DPP10: variants seen among roughly 807,000 people sequenced by gnomAD.
DPP10 encodes the protein dipeptidyl peptidase like 10, also known as inactive dipeptidyl peptidase 10.
DPP10 carries 33 observed loss-of-function variants against 120.9 expected under a neutral mutation model. The ratio of observed to expected loss-of-function variants is 0.27; its 90% CI spans 0.21 to 0.37. The LOEUF (loss-of-function observed/expected upper bound fraction) is 0.37, where lower values mean the gene tolerates loss of function less well. DPP10 is among the 10% of genes least tolerant of loss of function. The pLI is 1.00. For missense variants in DPP10, 816 were observed against 942.8 expected (o/e 0.87, Z 1.76); for synonymous variants, 337 against 326.1 (o/e 1.03, Z -0.36).
At position 115,555,162 on chromosome 2, in the gene DPP10, G is replaced by A. The variant is rs936000689; in HGVS notation, c.441+29190G>A. ...ATGGGGAAATTTATTTCCAATTTAA[G>A]AATCAAGAGCAAAAATTCATCTTCT... On this transcript the variant is annotated intron_variant, in intron 5 of 25. Transcript: ENST00000410059. 1.4e-4 allele frequency among the ~76,000 whole-genome samples: 21 copies of A among 151,986 alleles called. 1 individual carries two copies. Among genetic ancestry groups the A allele is most frequent in the Admixed American group, 1.1e-3 (17 of 15,222 alleles).
intron 3 of DPP10, among the ~76,000 whole-genome samples, chr2:115,396,009 G>C (rs766947717): frequency 7.2e-5 from 11 of 152,084 alleles, no homozygotes; most frequent in Non-Finnish European, 1.0e-4. Flanking sequence ...TAATTGGCGT[G>C]AATTTCCAGC....
At chr2:115,268,675 ATGTACT>A (rs1254095572) in intron 1 of DPP10, among the ~76,000 whole-genome samples, 3 of 152,202 alleles carry the variant, frequency 2.0e-5, no homozygotes, top group African/African-American at 7.2e-5. Context: ...TGTATCGATT[ATGTACT>A]TTGGTGATTA....
intron 1 of DPP10, among the ~76,000 whole-genome samples, chr2:115,236,539 C>T (rs572776643): frequency 4.1e-4 from 62 of 152,254 alleles, no homozygotes; most frequent in African/African-American, 1.5e-3. Context: ...CTATGGCAAA[C>T]ATTATTAACT....
chr2:115,270,808 G>A (rs924498763), intron 1 of DPP10, among the ~76,000 whole-genome samples: 5 of 152,272 alleles, frequency 3.3e-5, no homozygotes, highest in Non-Finnish European at 5.9e-5. Context: ...AAACATTCTC[G>A]AGGTAGTGTT....
At chr2:114,667,935 A>G (rs937018700) in intron 1 of DPP10, among the ~76,000 whole-genome samples, 4 of 152,338 alleles carry the variant, frequency 2.6e-5, no homozygotes, top group South Asian at 2.1e-4. Flanking sequence ...CAAATATTCA[A>G]TAAGTATAGA....
At chr2:114,852,150 C>CTT (rs1688990850) in intron 1 of DPP10, among the ~76,000 whole-genome samples, 1 of 44,314 alleles carries the variant, frequency 2.3e-5, no homozygotes, top group South Asian at 7.6e-4. Context: ...GCGATTGCAT[C>CTT]CTTTTTTTTT....
At chr2:115,829,261 G>A (rs1248762338) in intron 21 of DPP10, among the ~76,000 whole-genome samples, 2 of 152,030 alleles carry the variant, frequency 1.3e-5, no homozygotes, top group Non-Finnish European at 2.9e-5. Context: ...GTTTCAAATA[G>A]CTAGCCAGTT....
chr2:115,595,359 T>G (rs1337692308), intron 5 of DPP10, among the ~76,000 whole-genome samples: 2 of 150,856 alleles, frequency 1.3e-5, no homozygotes, highest in East Asian at 3.9e-4. Context: ...AATAGCATAT[T>G]ATTAATGCTA....
chr2:115,551,017 T>A (rs1364069234), intron 5 of DPP10, among the ~76,000 whole-genome samples: 1 of 152,140 alleles, frequency 6.6e-6, no homozygotes, highest in Non-Finnish European at 1.5e-5. Context: ...ATATTCCTTT[T>A]TTTTCTCTTG....
At chr2:115,479,972 C>T (rs2075328476) in intron 3 of DPP10, among the ~76,000 whole-genome samples, 2 of 152,156 alleles carry the variant, frequency 1.3e-5, no homozygotes, top group South Asian at 4.1e-4. Flanking sequence ...GTTATTTCCC[C>T]TAATAGAACA....
At chr2:115,430,580 TACAA>T (rs1437684173) in intron 3 of DPP10, among the ~76,000 whole-genome samples, 12 of 152,138 alleles carry the variant, frequency 7.9e-5, no homozygotes, top group Non-Finnish European at 1.8e-4. Context: ...GATCAGGTAA[TACAA>T]ACAAACAATT....
chr2:115,799,500 T>C (rs1259039069), intron 19 of DPP10, among the ~76,000 whole-genome samples: 2 of 151,970 alleles, frequency 1.3e-5, no homozygotes, highest in Non-Finnish European at 2.9e-5. Context: ...TTCTTACATA[T>C]GTATACATGT....
At chr2:115,135,215 T>C (rs2050591708) in intron 1 of DPP10, among the ~76,000 whole-genome samples, 1 of 146,004 alleles carries the variant, frequency 6.8e-6, no homozygotes. Flanking sequence ...TACTTCTTTA[T>C]AGATCCTCTG....
rs181068204 is a variant in DPP10, at chr2:115,632,688, A to G, written c.442-56999A>G. Among the ~76,000 whole-genome samples the G allele has an allele frequency of 2.2e-4, 33 of 152,326 alleles. No individual in the cohort carries two copies. In the East Asian group the frequency reaches 5.8e-3, roughly 27 times the overall value. ...ATTTTTACAATCTACCCATCTGACA[A>G]AGGGCTAATGTCCAGAATCTATAAA... On this transcript the variant is annotated intron_variant, in intron 5 of 25. Transcript: ENST00000410059.
At position 114,566,493 on chromosome 2, in the gene DPP10, G is replaced by A. The variant is rs561903866; in HGVS notation, c.60+123655G>A. Among the ~76,000 whole-genome samples the A allele has an allele frequency of 3.9e-4, 59 of 152,206 alleles. No individual in the cohort carries two copies. In the South Asian group the frequency reaches 7.1e-3, roughly 18 times the overall value. ...GTTATCATGGTGTATTTGTCAAAAC[G>A]GAGAAACCAACTAAATTATGATCCT... On this transcript the variant is annotated intron_variant, in intron 1 of 25. Coordinates refer to ENST00000410059, the MANE Select transcript of DPP10 (RefSeq NM_020868.6).
At chr2:114,728,680 A>C (rs1349669106) in intron 1 of DPP10, among the ~76,000 whole-genome samples, 1 of 152,186 alleles carries the variant, frequency 6.6e-6, no homozygotes, top group Non-Finnish European at 1.5e-5. Context: ...ACAGGGTAAA[A>C]TTACAGAATT....
intron 1 of DPP10, among the ~76,000 whole-genome samples, chr2:114,588,456 T>C (rs1691183120): frequency 6.6e-6 from 1 of 152,312 alleles, no homozygotes; most frequent in East Asian, 1.9e-4. Flanking sequence ...CATTGCAGGA[T>C]GACTATAGTT....
intron 1 of DPP10, among the ~76,000 whole-genome samples, chr2:114,797,093 C>T (rs1263509632): frequency 1.3e-5 from 2 of 152,164 alleles, no homozygotes; most frequent in African/African-American, 4.8e-5. Context: ...ACCATGCCCA[C>T]AAGAATACCA....
chr2:114,851,442 C>T (rs1455100757), intron 1 of DPP10, among the ~76,000 whole-genome samples: 3 of 152,116 alleles, frequency 2.0e-5, no homozygotes, highest in African/African-American at 7.2e-5. Context: ...TATTGTCATT[C>T]CATTTTATAG....
Sources: gnomAD v4.1 joint callset for allele counts (sites outside exome capture counted in the v4.1 genomes callset) on GRCh38, gnomAD v4.1.1 for gene constraint, MANE v1.5 for transcripts, NCBI Gene and HGNC (gene_info 2026-07-23, HGNC 2026-07-21) for gene names.